Variants in TUBA1B observed in about 807,000 individuals in gnomAD.
TUBA1B encodes the protein tubulin alpha 1b, also known as tubulin alpha-1B chain.
A neutral mutation model predicts 34.4 loss-of-function variants in TUBA1B; 1 was observed. The observed-to-expected ratio is 0.03, with a 90% confidence interval of 0.01 to 0.14. The LOEUF (loss-of-function observed/expected upper bound fraction) is 0.14. Among genes scored for constraint, TUBA1B ranks in the 10% least tolerant of loss-of-function variants. The pLI is 1.00. For missense variants in TUBA1B, 54 were observed against 583.6 expected (o/e 0.09, Z 9.35); for synonymous variants, 197 against 212.5 (o/e 0.93, Z 0.64).
intron 1 of TUBA1B, chr12:49,130,340 G>A: frequency 1.2e-5 from 16 of 1,289,236 alleles, no homozygotes; most frequent in Non-Finnish European, 1.6e-5. Context: ...ACAAGGGGCG[G>A]GGCTCTGCGG....
chr12:49,130,426 G>A (rs1330177285), intron 1 of TUBA1B: 32 of 1,179,472 alleles, frequency 2.7e-5, no homozygotes, highest in Non-Finnish European at 3.6e-5. Context: ...AAATGGCCAC[G>A]TCTGCAAAGG....
rs148047976 is a variant in TUBA1B at position 49,130,736 on chromosome 12, A to AT, written c.3+561_3+562insA. The AT allele has an allele frequency of 3.7e-3, 724 of 193,462 alleles. 2 individuals carry two copies. Among genetic ancestry groups the AT allele is most frequent in the African/African-American group, 0.014 (615 of 43,202 alleles). 12.0% of individuals were successfully genotyped at this position (193,462 alleles called of 1,614,324 possible). A position where few individuals can be genotyped will look rare whatever the true frequency, so the allele number is the denominator to read the frequency against. ...TCTTATTGCTTTCATCAAAAAAAGA[A>AT]CACTCAGGTTAACAGGAGACACGCC... On this transcript the variant is annotated intron_variant, in intron 1 of 3. Transcript: ENST00000336023.
chr12:49,129,099 T>C, intron 3 of TUBA1B, 143 bp downstream of exon 3: 1 of 1,550,742 alleles, frequency 6.4e-7, no homozygotes, highest in Non-Finnish European at 8.7e-7. Flanking sequence ...AGGGACTATC[T>C]GATTTAGAAG....
chr12:49,128,143 G>A lies in TUBA1B; in HGVS notation c.1171C>T (p.Leu391=), dbSNP rs755935207. 10 of 1,614,076 alleles carry A rather than the reference G, an allele frequency of 6.2e-6. 1 individual carries two copies. The highest frequency in any genetic ancestry group is 3.3e-5 in the South Asian group (3 of 91,090). The change falls in exon 4 of 4, where the codon CTG becomes TTG. Residue 391 remains leucine, a synonymous_variant. Transcript: ENST00000336023. This position sits in a 1 kb window ranked among gnomAD's most constrained non-coding sequence, Gnocchi z 8.1. ...TTAIAEAWAR[L]DHKFDLMYAK... ...TACATCAGGTCAAACTTGTGGTCCA[G>A]GCGAGCCCAGGCCTCAGCAATGGCT...
At chr12:49,130,282 AG>A in intron 1 of TUBA1B, 1 of 1,289,244 alleles carries the variant, frequency 7.8e-7, no homozygotes, top group Non-Finnish European at 1.0e-6. Flanking sequence ...CTCCTAGCAC[AG>A]GAAGCACGTG....
chr12:49,129,350 A>T lies in TUBA1B; in HGVS notation c.267T>A (p.Pro89=). The T allele has an allele frequency of 1.9e-6, 3 of 1,614,208 alleles. No homozygotes were observed. Among genetic ancestry groups the T allele is most frequent in the Non-Finnish European group, 2.5e-6 (3 of 1,180,026 alleles). ...RTGTYRQLFH[P]EQLITGKEDA... ...CTTCCTTGCCTGTGATGAGCTGCTC[A>T]GGGTGGAAGAGCTGGCGGTAGGTGC... Residue 89 remains proline (P), a synonymous_variant, in exon 3 of 4, where the codon CCT becomes CCA. Coordinates refer to ENST00000336023, the MANE Select transcript of TUBA1B (RefSeq NM_006082.3).
chr12:49,129,178 C>T (rs1941773779), intron 3 of TUBA1B, 64 bp downstream of exon 3: 3 of 1,611,480 alleles, frequency 1.9e-6, no homozygotes, highest in Non-Finnish European at 2.5e-6. Flanking sequence ...ATGTCAGTCA[C>T]TCCACCCAAC....
chr12:49,130,450 GCCCATCCTC>G lies in TUBA1B; in HGVS notation c.4-737_4-729del, dbSNP rs1941790290. The G allele has an allele frequency of 8.5e-6, 8 of 943,784 alleles. No individual in the cohort carries two copies. In the African/African-American group the frequency reaches 1.4e-4, roughly 16 times the overall value. 58.5% of individuals were successfully genotyped at this position (943,784 alleles called of 1,614,324 possible). ...CGTCTGCAAAGGCGCTGCCCAAGCC[GCCCATCCTC>G]CCTTGCCTGCCGGCATCGGGCTCAG... On this transcript the variant is annotated intron_variant, in intron 1 of 3. Coordinates refer to ENST00000336023, the MANE Select transcript of TUBA1B (RefSeq NM_006082.3).
chr12:49,130,877 C>CT, intron 1 of TUBA1B: 1 of 173,060 alleles, frequency 5.8e-6, no homozygotes, highest in Non-Finnish European at 1.3e-5. Flanking sequence ...TCTCCAGCTG[C>CT]TTCCCACCCC....
chr12:49,130,206 G>A (rs1941785770), intron 1 of TUBA1B: 1 of 1,272,328 alleles, frequency 7.9e-7, no homozygotes, highest in Non-Finnish European at 1.0e-6. Context: ...ACAGGAAGGT[G>A]GGCATCCATC....
At position 49,131,371 on chromosome 12, in the gene TUBA1B, T is replaced by A; in HGVS notation, c.-71A>T. ...GTCCCGGTTACCGTCCCCGACAAGC[T>A]AAGAGTCGAGGTAAGTAACGCACTA... is the stretch of plus-strand genomic sequence containing the variant. On this transcript the variant is annotated 5_prime_UTR_variant, in exon 1 of 4. Transcript: ENST00000336023. 1 of 1,581,378 alleles carries A rather than the reference T, an allele frequency of 6.3e-7. No individual in the cohort carries two copies. The highest frequency in any genetic ancestry group is 8.6e-7 in the Non-Finnish European group (1 of 1,157,966).
At chr12:49,130,067 T>A (rs1941784257) in intron 1 of TUBA1B, 1 of 1,185,692 alleles carries the variant, frequency 8.4e-7, no homozygotes, top group Non-Finnish European at 1.1e-6. Flanking sequence ...TAAGATGTAC[T>A]ACTTTTGAGA....
chr12:49,129,007 T>G, intron 3 of TUBA1B, 69 bp from the exon 4 acceptor site: 1 of 1,535,850 alleles, frequency 6.5e-7, no homozygotes, highest in Non-Finnish European at 8.7e-7. Context: ...CTATTTCAAC[T>G]TTTTAGATTA....
At chr12:49,131,256 C>A in intron 1 of TUBA1B, 42 bp downstream of exon 1, 1 of 1,597,504 alleles carries the variant, frequency 6.3e-7, no homozygotes, top group East Asian at 2.3e-5. Context: ...TCGCTTTTCC[C>A]TGCTTCCCTG....
At chr12:49,129,750 T>C in intron 1 of TUBA1B, 28 bp from the exon 2 acceptor site, 1 of 1,613,834 alleles carries the variant, frequency 6.2e-7, no homozygotes, top group Non-Finnish European at 8.5e-7. Context: ...GATATCACAA[T>C]TTAAACCAAT....
intron 1 of TUBA1B, chr12:49,130,855 TGC>T (rs1941796775): frequency 6.0e-6 from 1 of 167,038 alleles, no homozygotes; most frequent in Admixed American, 5.9e-5. Context: ...CGGTCGCGCG[TGC>T]GCGCTTTTGT....
intron 1 of TUBA1B, 49 bp from the exon 2 acceptor site, chr12:49,129,771 C>T: frequency 2.5e-6 from 4 of 1,612,416 alleles, no homozygotes; most frequent in Non-Finnish European, 2.5e-6. Context: ...CTATTGATGA[C>T]TGTCAAGTGG....
At chr12:49,130,127 C>T (rs977894963) in intron 1 of TUBA1B, 1 of 1,200,332 alleles carries the variant, frequency 8.3e-7, no homozygotes, top group South Asian at 1.5e-5. Flanking sequence ...ACCTTCCCAT[C>T]CTAAACCGGG....
At chr12:49,130,194 A>G (rs1217017557) in intron 1 of TUBA1B, 3 of 1,263,760 alleles carry the variant, frequency 2.4e-6, no homozygotes, top group Non-Finnish European at 3.1e-6. Context: ...TGGAGGACCA[A>G]GACAGGAAGG....
Sources: allele counts gnomAD v4.1 joint callset, GRCh38; gene constraint gnomAD v4.1.1; non-coding constraint Gnocchi (gnomAD v3.1); transcripts MANE v1.5; gene names NCBI Gene and HGNC (gene_info 2026-07-23, HGNC 2026-07-21).